Variants in CPED1 observed in about 807,000 individuals in gnomAD.
CPED1 encodes the protein cadherin like and PC-esterase domain containing 1.
Under a neutral mutation model 128.2 loss-of-function variants are expected in CPED1, and 114 were observed. The observed-to-expected ratio is 0.89, with a 90% confidence interval of 0.76 to 1.04. The LOEUF is 1.04. CPED1 is among the 50% of genes least tolerant of loss of function. The pLI is 0.00. For synonymous variants in CPED1, 462 were observed against 426.7 expected (o/e 1.08, Z -1.02); for missense variants, 1,211 against 1,207.1 (o/e 1.00, Z -0.05).
chr7:121,257,951 A>G (rs967785155), intron 18 of CPED1, among the ~76,000 whole-genome samples: 1 of 152,052 alleles, frequency 6.6e-6, no homozygotes, highest in Non-Finnish European at 1.5e-5. Flanking sequence ...TGAAAGTAAC[A>G]TTATTTGAGC....
chr7:121,050,460 GTTT>G (rs34017549), intron 4 of CPED1: 2 of 108,488 alleles, frequency 1.8e-5, no homozygotes, highest in African/African-American at 3.7e-5. Flanking sequence ...GGCAATATAG[GTTT>G]TTTTTTTTTT....
rs561788294 is a variant in CPED1, at chr7:121,010,153, G to A, written c.250-5512G>A. Among the ~76,000 whole-genome samples, 43 of 152,318 alleles carry A rather than the reference G, an allele frequency of 2.8e-4. 1 individual carries two copies. In the South Asian group the frequency reaches 8.9e-3, roughly 32 times the overall value. ...TATACATTGTGAAGTGTGCCCTTGGGAAAATTACATTGAGGGATATAGGTG... is the reference window on the plus strand; with the variant it reads ...TATACATTGTGAAGTGTGCCCTTGGAAAAATTACATTGAGGGATATAGGTG... On this transcript the variant is annotated intron_variant, in intron 2 of 22. Transcript: ENST00000310396.
At position 121,247,519 on chromosome 7, in the gene CPED1, A is replaced by T. The variant is rs140020285; in HGVS notation, c.2310+3181A>T. 2.0e-3 allele frequency among the ~76,000 whole-genome samples: 304 copies of T among 152,282 alleles called. 1 individual carries two copies. Among genetic ancestry groups the T allele is most frequent in the African/African-American group, 7.0e-3 (290 of 41,560 alleles). On this transcript the variant is annotated intron_variant, in intron 18 of 22. Coordinates refer to ENST00000310396, the MANE Select transcript of CPED1 (RefSeq NM_024913.5). ...AAAAGCAGATGGCAACACAGATGCT[A>T]AGGCTGAGGAGGGAGGAGGCTGGTA...
chr7:121,282,474 T>C (rs1251862526), intron 22 of CPED1, among the ~76,000 whole-genome samples: 1 of 152,164 alleles, frequency 6.6e-6, no homozygotes, highest in African/African-American at 2.4e-5. Context: ...TGCTCCTTAC[T>C]GTACAGGTAT....
intron 7 of CPED1, among the ~76,000 whole-genome samples, chr7:121,108,232 A>T (rs185855067): frequency 3.7e-4 from 56 of 152,240 alleles, no homozygotes; most frequent in Admixed American, 2.0e-3. Context: ...TATTTATTTT[A>T]AAAAAGTTAT....
intron 16 of CPED1, among the ~76,000 whole-genome samples, chr7:121,213,039 C>T (rs1797681511): frequency 1.3e-5 from 2 of 152,036 alleles, no homozygotes; most frequent in South Asian, 2.1e-4. Context: ...TTTTGACCAA[C>T]TATAAGCATT....
At chr7:121,139,180 G>C (rs1022402303) in intron 14 of CPED1, among the ~76,000 whole-genome samples, 5 of 151,718 alleles carry the variant, frequency 3.3e-5, no homozygotes, top group African/African-American at 1.2e-4. Context: ...TGACCATTAG[G>C]TCAAATTACA....
chr7:121,205,018 TAAAGA>T (rs1273897058), intron 16 of CPED1, among the ~76,000 whole-genome samples: 5 of 152,096 alleles, frequency 3.3e-5, no homozygotes, highest in African/African-American at 9.7e-5. Context: ...CATTATTAAG[TAAAGA>T]AAAGACTTAT....
At chr7:121,166,646 T>C (rs1366859854) in intron 16 of CPED1, among the ~76,000 whole-genome samples, 1 of 152,170 alleles carries the variant, frequency 6.6e-6, no homozygotes, top group Non-Finnish European at 1.5e-5. Context: ...AGGATATTTA[T>C]CTTAGAATTT....
chr7:121,082,315 T>C (rs1794314129), intron 5 of CPED1, among the ~76,000 whole-genome samples: 1 of 152,194 alleles, frequency 6.6e-6, no homozygotes, highest in Admixed American at 6.5e-5. Flanking sequence ...ATGGATTGAT[T>C]TGCAGAAAGC....
intron 16 of CPED1, among the ~76,000 whole-genome samples, chr7:121,188,710 T>G (rs1331878547): frequency 6.6e-6 from 1 of 151,202 alleles, no homozygotes; most frequent in Non-Finnish European, 1.5e-5. Flanking sequence ...ATCAGGAGAG[T>G]GTGGCATGGC....
intron 16 of CPED1, among the ~76,000 whole-genome samples, chr7:121,228,298 CA>C (rs1798061815): frequency 1.3e-5 from 2 of 151,722 alleles, no homozygotes; most frequent in African/African-American, 4.8e-5. Context: ...AGTGAAAAAG[CA>C]AATAATTCCA....
intron 18 of CPED1, among the ~76,000 whole-genome samples, chr7:121,245,535 TAATA>T (rs1562848363): frequency 6.6e-6 from 1 of 152,154 alleles, no homozygotes; most frequent in Non-Finnish European, 1.5e-5. Flanking sequence ...AATAGTAACT[TAATA>T]AATATTTATC....
At chr7:121,017,519 A>C (rs1463099535) in intron 3 of CPED1, among the ~76,000 whole-genome samples, 1 of 152,152 alleles carries the variant, frequency 6.6e-6, no homozygotes, top group Non-Finnish European at 1.5e-5. Context: ...GTGATTGTAT[A>C]ACTACTGCAC....
At chr7:121,026,500 G>A (rs1180012922) in intron 3 of CPED1, among the ~76,000 whole-genome samples, 6 of 152,038 alleles carry the variant, frequency 3.9e-5, no homozygotes, top group Non-Finnish European at 8.8e-5. Context: ...CCCCTGCCAT[G>A]GGGTCAGACA....
intron 7 of CPED1, among the ~76,000 whole-genome samples, chr7:121,116,828 C>G (rs569197339): frequency 5.3e-5 from 8 of 151,772 alleles, no homozygotes; most frequent in African/African-American, 9.7e-5. Flanking sequence ...TGAGTACCAT[C>G]TTCATAGCAT....
intron 16 of CPED1, among the ~76,000 whole-genome samples, chr7:121,230,760 G>GT (rs1317693848): frequency 6.6e-6 from 1 of 152,040 alleles, no homozygotes; most frequent in Admixed American, 6.6e-5. Flanking sequence ...TTCTCTGCAA[G>GT]TTTATACTTA....
At chr7:121,018,584 G>A (rs1792363077) in intron 3 of CPED1, among the ~76,000 whole-genome samples, 1 of 151,942 alleles carries the variant, frequency 6.6e-6, no homozygotes, top group Admixed American at 6.6e-5. Context: ...GAGTACCCAG[G>A]TGCAGTTTTG....
At chr7:121,235,800 G>A (rs112391841) in intron 16 of CPED1, among the ~76,000 whole-genome samples, 5 of 152,220 alleles carry the variant, frequency 3.3e-5, no homozygotes, top group African/African-American at 1.2e-4. Flanking sequence ...CAAAGGGGGA[G>A]CTGACATGAA....
Sources: gnomAD v4.1 joint callset for allele counts (sites outside exome capture counted in the v4.1 genomes callset) on GRCh38, gnomAD v4.1.1 for gene constraint, MANE v1.5 for transcripts, NCBI Gene and HGNC (gene_info 2026-07-23, HGNC 2026-07-21) for gene names.